The following L3MBTL4 variants were observed in gnomAD, a reference collection of about 807,000 sequenced individuals.
L3MBTL4 encodes lethal(3)malignant brain tumor-like protein 4.
In L3MBTL4, 70 loss-of-function variants were observed where a neutral mutation model predicts 84.5. The ratio of observed to expected loss-of-function variants is 0.83; its 90% CI spans 0.68 to 1.01. The LOEUF is 1.01. Among genes scored for constraint, L3MBTL4 ranks in the 50% least tolerant of loss-of-function variants. L3MBTL4 has a pLI of 0.00. For missense variants in L3MBTL4, 715 were observed against 754.8 expected (o/e 0.95, Z 0.62); for synonymous variants, 274 against 259.8 (o/e 1.05, Z -0.52).
intron 12 of L3MBTL4, among the ~76,000 whole-genome samples, chr18:6,178,477 A>T (rs1161587214): frequency 6.6e-6 from 1 of 152,214 alleles, no homozygotes; most frequent in African/African-American, 2.4e-5. Flanking sequence ...CTATTTACCA[A>T]GAGTCCTTTT....
At chr18:6,386,992 G>A (rs762243727) in intron 1 of L3MBTL4, among the ~76,000 whole-genome samples, 2 of 152,198 alleles carry the variant, frequency 1.3e-5, no homozygotes, top group Non-Finnish European at 2.9e-5. Flanking sequence ...TGGCTTGGGG[G>A]TAGATGGCAG....
At chr18:6,030,555 A>G (rs1350921005) in intron 16 of L3MBTL4, 2 of 822,018 alleles carry the variant, frequency 2.4e-6, no homozygotes, top group African/African-American at 3.8e-5. Flanking sequence ...CTGGTGATGT[A>G]CAGTGGCACG....
chr18:5,986,025 T>C (rs1567950944), intron 16 of L3MBTL4, among the ~76,000 whole-genome samples: 1 of 151,940 alleles, frequency 6.6e-6, no homozygotes, highest in Non-Finnish European at 1.5e-5. Context: ...TTGGCTGAGG[T>C]CTGGAAATGA....
rs746840282 is a variant in L3MBTL4 at position 5,956,641 on chromosome 18, G to A, written c.1678-254C>T. Among the ~76,000 whole-genome samples, 4 of 152,272 alleles carry A rather than the reference G, an allele frequency of 2.6e-5. No individual in the cohort carries two copies. In the South Asian group the frequency reaches 6.2e-4, roughly 24 times the overall value. On this transcript the variant is annotated intron_variant, in intron 18 of 18. Transcript: ENST00000317931. The stretch of plus-strand genomic sequence containing the variant: ...TGTTAAATACGAATTCAATATACAC[G>A]AACTGTTCCCAGGCTACATTTCTAT...
chr18:6,042,763 T>G (rs2056457876), intron 16 of L3MBTL4, among the ~76,000 whole-genome samples: 1 of 152,182 alleles, frequency 6.6e-6, no homozygotes, highest in African/African-American at 2.4e-5. Context: ...AACACCCTTT[T>G]GCTAAGCAAT....
At chr18:6,180,482 G>T (rs1055513514) in intron 12 of L3MBTL4, among the ~76,000 whole-genome samples, 2 of 151,974 alleles carry the variant, frequency 1.3e-5, no homozygotes, top group African/African-American at 4.8e-5. Context: ...TCAACTCCTT[G>T]TCCCTGCTAA....
At chr18:5,985,402 C>G (rs1445178248) in intron 16 of L3MBTL4, among the ~76,000 whole-genome samples, 1 of 152,176 alleles carries the variant, frequency 6.6e-6, no homozygotes, top group Admixed American at 6.5e-5. Context: ...TTCCCTTTGT[C>G]TGACCAAGCC....
intron 14 of L3MBTL4, among the ~76,000 whole-genome samples, chr18:6,123,030 C>A (rs764625411): frequency 1.6e-4 from 24 of 152,050 alleles, no homozygotes; most frequent in Non-Finnish European, 3.2e-4. Flanking sequence ...ATTATATTTT[C>A]TTTTTTCCTG....
chr18:6,169,823 TATA>T (rs370314372), intron 13 of L3MBTL4, among the ~76,000 whole-genome samples: 4,105 of 150,750 alleles, frequency 0.027, 82 homozygotes, highest in African/African-American at 0.052. Context: ...AAACTTAAAG[TATA>T]ATAATAATAA....
At chr18:6,100,742 T>A (rs902648776) in intron 14 of L3MBTL4, among the ~76,000 whole-genome samples, 2 of 152,184 alleles carry the variant, frequency 1.3e-5, no homozygotes, top group Non-Finnish European at 2.9e-5. Context: ...CACAGATCCA[T>A]GTGGCTTCCA....
chr18:6,259,870 T>C (rs979743770), intron 5 of L3MBTL4: 5 of 152,238 alleles, frequency 3.3e-5, no homozygotes, highest in African/African-American at 1.2e-4. Flanking sequence ...TCAAGACCAA[T>C]GCTGAGAATG....
At chr18:6,140,754 A>G (rs2060173908) in intron 13 of L3MBTL4, among the ~76,000 whole-genome samples, 1 of 152,144 alleles carries the variant, frequency 6.6e-6, no homozygotes, top group Non-Finnish European at 1.5e-5. Flanking sequence ...TTTCTCCATC[A>G]TAAAAACAAA....
chr18:6,275,065 C>G (rs921721665), intron 4 of L3MBTL4, among the ~76,000 whole-genome samples: 7 of 152,132 alleles, frequency 4.6e-5, no homozygotes. Flanking sequence ...AGGAGGAACC[C>G]TCTAGAGACA....
At chr18:6,104,274 C>A (rs1310162762) in intron 14 of L3MBTL4, among the ~76,000 whole-genome samples, 2 of 151,802 alleles carry the variant, frequency 1.3e-5, no homozygotes, top group Non-Finnish European at 2.9e-5. Flanking sequence ...TATTTGTACA[C>A]CTGCATTCAT....
intron 13 of L3MBTL4, among the ~76,000 whole-genome samples, chr18:6,161,808 T>C (rs1479494380): frequency 5.3e-5 from 8 of 152,240 alleles, no homozygotes; most frequent in Admixed American, 1.3e-4. Flanking sequence ...CAATCTAGAT[T>C]TCATTTTTAC....
At chr18:6,359,488 A>G (rs2053586682) in intron 1 of L3MBTL4, among the ~76,000 whole-genome samples, 1 of 152,222 alleles carries the variant, frequency 6.6e-6, no homozygotes, top group African/African-American at 2.4e-5. Context: ...ATTACTTAGT[A>G]TAATCTTGAG....
chr18:6,081,166 G>A (rs757731388), intron 15 of L3MBTL4: 1 of 420,532 alleles, frequency 2.4e-6, no homozygotes, highest in South Asian at 5.0e-5. Flanking sequence ...AATTTAAAAG[G>A]CCTTTCCCCC....
chr18:6,031,767 C>T (rs1393880954), intron 16 of L3MBTL4: 5 of 984,584 alleles, frequency 5.1e-6, no homozygotes, highest in Non-Finnish European at 6.0e-6. Flanking sequence ...CCTCTGTGTG[C>T]CTATCTGCAG....
At position 6,244,581 on chromosome 18, in the gene L3MBTL4, G is replaced by A. The variant is rs748887864; in HGVS notation, c.227C>T (p.Ser76Phe). Residue 76 changes from serine to phenylalanine, a missense_variant, in exon 6 of 19, where the codon TCC (serine) becomes TTC (phenylalanine). Coordinates refer to ENST00000317931, the MANE Select transcript of L3MBTL4 (RefSeq NM_001330559.2). ...APVELFSKDQ[S>F]FPEHENGFQI... The stretch of plus-strand genomic sequence containing the variant: ...AAAACCATTTTCATGCTCTGGAAAG[G>A]ACTGATCCTACAAAATTTCACGACA... The A allele has an allele frequency of 2.5e-6, 4 of 1,609,070 alleles. No individual in the cohort carries two copies. The Admixed American group carries it at 5.0e-5, about 20-fold the overall frequency.
Sources: gnomAD v4.1 joint callset for allele counts (sites outside exome capture counted in the v4.1 genomes callset) on GRCh38, gnomAD v4.1.1 for gene constraint, MANE v1.5 for transcripts, NCBI Gene and HGNC (gene_info 2026-07-23, HGNC 2026-07-21) for gene names.